The following SHANK2 variants were observed in gnomAD, a reference collection of about 807,000 sequenced individuals.
SHANK2 encodes SH3 and multiple ankyrin repeat domains 2.
Under a neutral mutation model 133.7 loss-of-function variants are expected in SHANK2, and 43 were observed. That is an observed-to-expected ratio of 0.32 (90% CI 0.25 to 0.41). The LOEUF is 0.41. SHANK2 is among the 10% of genes least tolerant of loss of function. The pLI is 1.00. For synonymous variants in SHANK2, 1,017 were observed against 952.8 expected, an observed-to-expected ratio of 1.07 and a Z score of -1.24; for missense variants, 1,994 against 2,235.8, an observed-to-expected ratio of 0.89 and a Z score of 2.18.
At chr11:71,094,007 C>T (rs554917711) in intron 7 of SHANK2, among the ~76,000 whole-genome samples, 77 of 152,088 alleles carry the variant, frequency 5.1e-4, no homozygotes, top group African/African-American at 1.8e-3. Flanking sequence ...AGGTGAGGCG[C>T]GGAACCCACA....
At chr11:70,733,693 G>A (rs1209621606) in intron 14 of SHANK2, among the ~76,000 whole-genome samples, 3 of 152,236 alleles carry the variant, frequency 2.0e-5, no homozygotes, top group Non-Finnish European at 4.4e-5. Context: ...CCTGGCCTAG[G>A]TCATGGAGAG....
chr11:70,631,400 A>ACACC (rs2060987156), intron 17 of SHANK2, among the ~76,000 whole-genome samples: 2 of 150,244 alleles, frequency 1.3e-5, no homozygotes, highest in Admixed American at 6.7e-5. Context: ...ACACACACAC[A>ACACC]CACACACACC....
intron 11 of SHANK2, among the ~76,000 whole-genome samples, chr11:70,840,730 C>A (rs1465407082): frequency 6.6e-6 from 1 of 152,140 alleles, no homozygotes; most frequent in African/African-American, 2.4e-5. Flanking sequence ...GGCTGGGGGG[C>A]CATATCGGGA....
intron 6 of SHANK2, among the ~76,000 whole-genome samples, chr11:71,103,658 C>T (rs186250047): frequency 9.7e-4 from 147 of 152,268 alleles, no homozygotes; most frequent in African/African-American, 3.4e-3. Flanking sequence ...CCAAATCTCA[C>T]GTGGAGATGT....
intron 11 of SHANK2, among the ~76,000 whole-genome samples, chr11:70,856,328 G>A (rs782414286): frequency 3.0e-4 from 45 of 152,204 alleles, no homozygotes; most frequent in African/African-American, 1.1e-3. Flanking sequence ...GCAGATGGGT[G>A]GTTAGGTGGG....
intron 2 of SHANK2, among the ~76,000 whole-genome samples, chr11:71,211,051 C>A (rs1954267212): frequency 6.6e-6 from 1 of 152,150 alleles, no homozygotes; most frequent in African/African-American, 2.4e-5. Context: ...TCCCCCAGGG[C>A]TGCTGCAGCC....
At position 70,502,199 on chromosome 11, in the gene SHANK2, G is replaced by A. The variant is rs1555158791; in HGVS notation, c.2278+7C>T. ...CTGTACAGGGCTGGGCCGGGTGTGCGACTTACCGAGCTCCTCCAGCTCCGA... is the reference window on the plus strand; with the variant it reads ...CTGTACAGGGCTGGGCCGGGTGTGCAACTTACCGAGCTCCTCCAGCTCCGA... On this transcript the variant is annotated splice_region_variant and intron_variant, in intron 19 of 25. Transcript: ENST00000601538. 28 of 1,554,464 alleles carry A rather than the reference G, an allele frequency of 1.8e-5. No individual in the cohort carries two copies. Among genetic ancestry groups the A allele is most frequent in the Admixed American group, 3.9e-5 (2 of 51,026 alleles).
chr11:70,818,737 T>C (rs1555055064), intron 12 of SHANK2, among the ~76,000 whole-genome samples: 1 of 152,160 alleles, frequency 6.6e-6, no homozygotes, highest in Non-Finnish European at 1.5e-5. Flanking sequence ...GGCCAAAGCG[T>C]TGAGAGGACG....
rs374518741 is a variant in SHANK2 at position 70,644,855 on chromosome 11, GAGA to G, written c.2061+14970_2061+14972del. Among the ~76,000 whole-genome samples the G allele has an allele frequency of 1.3e-3, 204 of 152,328 alleles. 2 individuals are homozygous for G. The highest frequency in any genetic ancestry group is 4.8e-3 in the African/African-American group (199 of 41,576). ...CACCTGTGCCTCAGACAAACACGTG[GAGA>G]AGAAGGTGACTGCCTTTAAGATGAC... is the stretch of plus-strand genomic sequence containing the variant. On this transcript the variant is annotated intron_variant, in intron 17 of 25. Transcript: ENST00000601538.
chr11:70,548,450 C>A (rs1457016612), intron 17 of SHANK2, among the ~76,000 whole-genome samples: 1 of 152,204 alleles, frequency 6.6e-6, no homozygotes, highest in Non-Finnish European at 1.5e-5. Context: ...GACCTCAGCC[C>A]GTCTCCCGCT....
At chr11:70,662,720 G>C (rs1409537892) in intron 15 of SHANK2, among the ~76,000 whole-genome samples, 9 of 151,834 alleles carry the variant, frequency 5.9e-5, no homozygotes, top group Non-Finnish European at 1.2e-4. Flanking sequence ...AACCAAAAAA[G>C]CTCCAACTTT....
At chr11:71,113,022 C>T (rs1237221264) in intron 5 of SHANK2, among the ~76,000 whole-genome samples, 7 of 152,304 alleles carry the variant, frequency 4.6e-5, no homozygotes, top group African/African-American at 1.2e-4. Flanking sequence ...TCAGAGATGC[C>T]GCTTTTGACC....
Position 70,486,142 on chromosome 11 carries a change from G to A in SHANK2, c.4151C>T (p.Ala1384Val), listed in dbSNP as rs782510001. The change falls in exon 25 of 26, where the codon GCG (alanine) becomes GTG (valine). Residue 1384 changes from alanine (A) to valine (V), a missense_variant. Physicochemically the swap from Ala to Val is moderately conservative, Grantham distance 64. Transcript: ENST00000601538. This position sits in a 1 kb window ranked among gnomAD's most constrained non-coding sequence, Gnocchi z 8.0. The stretch of plus-strand genomic sequence containing the variant: ...AGGGATGCGGAATGGCAAAATCACC[G>A]CCTCTTCCATGGAGCCCACCGCGAC... ...TIVAVGSMEE[A>V]VILPFRIPPP... 1.2e-5 allele frequency: 19 copies of A among 1,613,174 alleles called. No individual in the cohort carries two copies. The highest frequency in any genetic ancestry group is 1.6e-4 in the Middle Eastern group (1 of 6,082).
At chr11:70,703,491 A>G (rs1243187998) in intron 14 of SHANK2, among the ~76,000 whole-genome samples, 3 of 152,056 alleles carry the variant, frequency 2.0e-5, no homozygotes, top group Non-Finnish European at 4.4e-5. Flanking sequence ...CCCCAGTGTT[A>G]CAGTGCACAC....
chr11:71,251,946 C>A (rs1948189107), intron 1 of SHANK2, among the ~76,000 whole-genome samples: 1 of 152,038 alleles, frequency 6.6e-6, no homozygotes, highest in South Asian at 2.1e-4. Flanking sequence ...CTGGCGGCCC[C>A]GCGCCGGCTC....
chr11:71,094,400 C>G (rs1951570212), intron 7 of SHANK2, 137 bp downstream of exon 7: 1 of 765,166 alleles, frequency 1.3e-6, no homozygotes, highest in African/African-American at 1.8e-5. Context: ...CCAGCCGGAA[C>G]ACTGTGCACG....
In SHANK2 at chr11:71,155,930, C is replaced by T. The variant is rs560874679; in HGVS notation, c.-12-8592G>A. ...TGGAGACAGGGCCTTTAAAAAGGTA[C>T]TTAAGGTTCCACAAGGTCTTACAGG... is the stretch of plus-strand genomic sequence containing the variant. On this transcript the variant is annotated intron_variant, in intron 2 of 25. Coordinates refer to ENST00000601538, the MANE Select transcript of SHANK2 (RefSeq NM_012309.5). 6.6e-5 allele frequency among the ~76,000 whole-genome samples: 10 copies of T among 152,316 alleles called. No individual in the cohort carries two copies. In the East Asian group the frequency reaches 1.9e-3, roughly 29 times the overall value.
At chr11:71,231,816 G>C (rs1262255393) in intron 1 of SHANK2, among the ~76,000 whole-genome samples, 2 of 152,030 alleles carry the variant, frequency 1.3e-5, no homozygotes, top group African/African-American at 2.4e-5. Flanking sequence ...TTGAGCCGGG[G>C]AGACAGAGCT....
intron 9 of SHANK2, among the ~76,000 whole-genome samples, chr11:71,071,825 C>G (rs1951147041): frequency 6.6e-6 from 1 of 152,060 alleles, no homozygotes; most frequent in Non-Finnish European, 1.5e-5. Context: ...CCACCATGAG[C>G]CAACAGGATG....
Sources: gnomAD v4.1 joint callset for allele counts (sites outside exome capture counted in the v4.1 genomes callset) on GRCh38, gnomAD v4.1.1 for gene constraint, Gnocchi (gnomAD v3.1) non-coding constraint, MANE v1.5 for transcripts, NCBI Gene and HGNC (gene_info 2026-07-23, HGNC 2026-07-21) for gene names.